DUSP10: variants seen among roughly 807,000 people sequenced by gnomAD.
DUSP10 encodes dual specificity protein phosphatase 10.
Under a neutral mutation model 30.8 loss-of-function variants are expected in DUSP10, and 14 were observed. The ratio of observed to expected loss-of-function variants is 0.46; its 90% CI spans 0.30 to 0.71. The LOEUF (loss-of-function observed/expected upper bound fraction) is 0.71. Among genes scored for constraint, DUSP10 ranks in the 30% least tolerant of loss-of-function variants. The pLI is 0.08. For missense variants in DUSP10, 550 were observed against 619.4 expected, an observed-to-expected ratio of 0.89 and a Z score of 1.19; for synonymous variants, 254 against 250.4, an observed-to-expected ratio of 1.01 and a Z score of -0.14.
chr1:221,739,300 T>A lies in DUSP10; in HGVS notation c.445A>T (p.Ile149Leu). 2 of 1,614,198 alleles carry A rather than the reference T, an allele frequency of 1.2e-6. No individual in the cohort carries two copies. The highest frequency in any genetic ancestry group is 8.5e-7 in the Non-Finnish European group (1 of 1,180,026). ...TTTGCCAAGTCATTGGGGTAGATTA[T>A]TTTGATGCTGGCTAGCTGCTTGGGG... Reference protein sequence around the residue: ...GTPKQLASIKIIYPNDLAKKM... With the variant: ...GTPKQLASIKLIYPNDLAKKM... The change falls in exon 2 of 4, where the codon ATA (isoleucine) becomes TTA (leucine). Residue 149 changes from isoleucine (I) to leucine (L), a missense_variant. Transcript: ENST00000366899.
chr1:221,726,843 G>A (rs1189401975), intron 2 of DUSP10, among the ~76,000 whole-genome samples: 2 of 151,984 alleles, frequency 1.3e-5, no homozygotes, highest in Non-Finnish European at 2.9e-5. Context: ...TGACATCAAA[G>A]CATTTTACTG....
intron 3 of DUSP10, among the ~76,000 whole-genome samples, chr1:221,705,381 G>A (rs1158520450): frequency 6.6e-6 from 1 of 152,180 alleles, no homozygotes; most frequent in African/African-American, 2.4e-5. Flanking sequence ...AATGTGCTGG[G>A]ATTACAGGCA....
At chr1:221,712,159 G>C (rs772004715) in intron 2 of DUSP10, among the ~76,000 whole-genome samples, 2 of 152,090 alleles carry the variant, frequency 1.3e-5, no homozygotes, top group Non-Finnish European at 2.9e-5. Context: ...TTACAGTAGG[G>C]TATTTTCAAG....
chr1:221,728,013 A>G (rs1394787758), intron 2 of DUSP10, among the ~76,000 whole-genome samples: 4 of 152,230 alleles, frequency 2.6e-5, no homozygotes, highest in Admixed American at 2.0e-4. Context: ...GATTAAGACC[A>G]TAATTGCATG....
At position 221,739,154 on chromosome 1, in the gene DUSP10, G is replaced by A. The variant is rs748076536; in HGVS notation, c.591C>T (p.Ala197=). The change falls in exon 2 of 4, where the codon GCC becomes GCT. Residue 197 remains alanine, a synonymous_variant. Transcript: ENST00000366899. The part of the protein sequence containing the change: ...HIQGAVHINC[A]DKISRRRLQQ... ...GCAGTCTCCGCCGGCTGATCTTATCGGCACAGTTAATGTGGACAGCTCCTT... is the reference window on the plus strand; with the variant it reads ...GCAGTCTCCGCCGGCTGATCTTATCAGCACAGTTAATGTGGACAGCTCCTT... 35 of 1,614,046 alleles carry A rather than the reference G, an allele frequency of 2.2e-5. No homozygotes were observed. The highest frequency in any genetic ancestry group is 4.5e-5 in the East Asian group (2 of 44,900).
rs551429345 is a variant in DUSP10 at position 221,705,171 on chromosome 1, G to T, written c.1183+924C>A. Among the ~76,000 whole-genome samples the T allele has an allele frequency of 2.6e-5, 4 of 151,022 alleles. No homozygotes were observed. In the South Asian group the frequency reaches 8.3e-4, roughly 31 times the overall value. On this transcript the variant is annotated intron_variant, in intron 3 of 3. Coordinates refer to ENST00000366899, the MANE Select transcript of DUSP10 (RefSeq NM_007207.6). Reference sequence around the variant, plus strand: ...GTTGCCCAGGCTGGAGTGCAGTGGCGTGATCTCAGCTCACTGCAACCTCCG... The same window carrying T: ...GTTGCCCAGGCTGGAGTGCAGTGGCTTGATCTCAGCTCACTGCAACCTCCG...
chr1:221,729,588 A>G (rs1661522032), intron 2 of DUSP10, among the ~76,000 whole-genome samples: 1 of 152,254 alleles, frequency 6.6e-6, no homozygotes, highest in Non-Finnish European at 1.5e-5. Context: ...TTCTCTGAGA[A>G]CTAAATAAGA....
chr1:221,741,733 A>G (rs1661959819), intron 1 of DUSP10, among the ~76,000 whole-genome samples: 1 of 151,146 alleles, frequency 6.6e-6, no homozygotes, highest in African/African-American at 2.4e-5. Context: ...TCTTCGCCCC[A>G]AATCCAAGTA....
intron 2 of DUSP10, among the ~76,000 whole-genome samples, chr1:221,710,530 T>TAA (rs57370939): frequency 6.8e-6 from 1 of 146,440 alleles, no homozygotes. Flanking sequence ...TTTAAAGATC[T>TAA]AAAAAAAAAA....
At chr1:221,731,612 T>C (rs1661595421) in intron 2 of DUSP10, among the ~76,000 whole-genome samples, 1 of 124,146 alleles carries the variant, frequency 8.1e-6, no homozygotes, top group African/African-American at 3.9e-5. Flanking sequence ...TTTTTTTTTT[T>C]TTTTTTTTTC....
At chr1:221,724,586 G>A (rs1661372530) in intron 2 of DUSP10, among the ~76,000 whole-genome samples, 2 of 152,150 alleles carry the variant, frequency 1.3e-5, no homozygotes, top group Admixed American at 1.3e-4. Context: ...TTGGCTTGCA[G>A]CAAGGCTACT....
chr1:221,734,210 T>G (rs571490625), intron 2 of DUSP10, among the ~76,000 whole-genome samples: 1 of 152,370 alleles, frequency 6.6e-6, no homozygotes, highest in South Asian at 2.1e-4. Context: ...ATGCTTTTGT[T>G]ATGGGACATT....
chr1:221,727,870 G>A (rs1661469296), intron 2 of DUSP10, among the ~76,000 whole-genome samples: 1 of 152,096 alleles, frequency 6.6e-6, no homozygotes, highest in Non-Finnish European at 1.5e-5. Context: ...AGTGTTTGGG[G>A]TGACCTTACT....
At chr1:221,734,199 T>C (rs1205076792) in intron 2 of DUSP10, among the ~76,000 whole-genome samples, 1 of 152,256 alleles carries the variant, frequency 6.6e-6, no homozygotes, top group African/African-American at 2.4e-5. Context: ...TAAAAAGTTT[T>C]ATGCTTTTGT....
In DUSP10 at chr1:221,709,320, A is replaced by C. The variant is rs1248311291; in HGVS notation, c.812-2854T>G. Among the ~76,000 whole-genome samples, 13 of 150,932 alleles carry C rather than the reference A, an allele frequency of 8.6e-5. No individual in the cohort carries two copies. The East Asian group carries it at 2.5e-3, about 29-fold the overall frequency. ...CCATTTGCCTAATGGGGGGAAAAAA[A>C]CCCGTGGCGGAGTGGGGGGAGGAGG... On this transcript the variant is annotated intron_variant, in intron 2 of 3. Transcript: ENST00000366899.
intron 2 of DUSP10, among the ~76,000 whole-genome samples, chr1:221,730,219 A>G (rs920157462): frequency 2.6e-5 from 4 of 152,224 alleles, no homozygotes; most frequent in Non-Finnish European, 5.9e-5. Context: ...TAAATATAAG[A>G]TATTAAGGAA....
intron 2 of DUSP10, among the ~76,000 whole-genome samples, chr1:221,723,471 T>A (rs1474597158): frequency 6.6e-6 from 1 of 152,228 alleles, no homozygotes; most frequent in Admixed American, 6.5e-5. Flanking sequence ...ACTCCCCAAG[T>A]TAAGGCCACA....
chr1:221,729,126 T>TA, intron 2 of DUSP10, among the ~76,000 whole-genome samples: 1 of 152,338 alleles, frequency 6.6e-6, no homozygotes, highest in South Asian at 2.1e-4. Context: ...ATACTTCATA[T>TA]ATGTTAGAAT....
Position 221,739,386 on chromosome 1 carries a change from T to C in DUSP10, c.359A>G (p.Asn120Ser), listed in dbSNP as rs1661881106. Residue 120 changes from asparagine to serine, a missense_variant, in exon 2 of 4, where the codon AAT becomes AGT. Transcript: ENST00000366899. ...TTCPANQMVN[N>S]NENTGSLSPS... ...ACTTAGAGAGCCTGTATTCTCATTATTGTTGACCATCTGGTTAGCAGGGCA... is the reference window on the plus strand; with the variant it reads ...ACTTAGAGAGCCTGTATTCTCATTACTGTTGACCATCTGGTTAGCAGGGCA... 1 of 1,614,168 alleles carries C rather than the reference T, an allele frequency of 6.2e-7. No individual in the cohort carries two copies. Among genetic ancestry groups the C allele is most frequent in the African/African-American group, 1.3e-5 (1 of 75,042 alleles).
Sources: gnomAD v4.1 joint callset for allele counts (sites outside exome capture counted in the v4.1 genomes callset) on GRCh38, gnomAD v4.1.1 for gene constraint, MANE v1.5 for transcripts, NCBI Gene and HGNC (gene_info 2026-07-23, HGNC 2026-07-21) for gene names.